SLC8A1: variants seen among roughly 807,000 people sequenced by gnomAD.
SLC8A1 encodes the protein sodium/calcium exchanger 1.
Under a neutral mutation model 68.3 loss-of-function variants are expected in SLC8A1, and 18 were observed. The observed-to-expected ratio is 0.26, with a 90% CI of 0.18 to 0.39. The LOEUF (loss-of-function observed/expected upper bound fraction) is 0.39. SLC8A1 is among the 10% of genes least tolerant of loss of function. The pLI, the probability that SLC8A1 is intolerant of heterozygous loss-of-function variation, is 1.00. For missense variants in SLC8A1, 985 were observed against 1,156.7 expected (o/e 0.85, Z 2.15); for synonymous variants, 475 against 415.5 (o/e 1.14, Z -1.74).
At chr2:40,238,208 C>A (rs376180763) in intron 2 of SLC8A1, among the ~76,000 whole-genome samples, 1 of 151,988 alleles carries the variant, frequency 6.6e-6, no homozygotes, top group Non-Finnish European at 1.5e-5. Flanking sequence ...CCCAGCCTCG[C>A]TGCCGCCTTG....
At chr2:40,275,658 T>C (rs1049384826) in intron 2 of SLC8A1, among the ~76,000 whole-genome samples, 50 of 152,198 alleles carry the variant, frequency 3.3e-4, no homozygotes, top group African/African-American at 1.2e-3. Context: ...TTTCCCTGGC[T>C]TTAAAATGAA....
At chr2:40,465,585 A>C (rs1012727647) in intron 1 of SLC8A1, among the ~76,000 whole-genome samples, 1 of 152,156 alleles carries the variant, frequency 6.6e-6, no homozygotes, top group South Asian at 2.1e-4. Context: ...TTTATACATT[A>C]AGTAACGTAT....
rs77227517 is a variant in SLC8A1 at position 40,245,235 on chromosome 2, C to T, written c.1809-67380G>A. Reference sequence around the variant, plus strand: ...TTCTGTGATTTGTGCTGTTCATGTACAGGTCTCTCTCTCCCTAGTGAAACT... The same window carrying T: ...TTCTGTGATTTGTGCTGTTCATGTATAGGTCTCTCTCTCCCTAGTGAAACT... On this transcript the variant is annotated intron_variant, in intron 2 of 7. Coordinates refer to ENST00000406785, the Ensembl canonical transcript of SLC8A1. Among the ~76,000 whole-genome samples the T allele has an allele frequency of 1.5e-3, 223 of 152,284 alleles. 1 individual carries two copies. The highest frequency in any genetic ancestry group is 5.2e-3 in the African/African-American group (217 of 41,582).
At chr2:40,309,245 G>A (rs549422105) in intron 2 of SLC8A1, among the ~76,000 whole-genome samples, 5 of 152,224 alleles carry the variant, frequency 3.3e-5, no homozygotes, top group Admixed American at 1.3e-4. Flanking sequence ...TTAGGCAGGA[G>A]CTGCATTTTC....
chr2:40,386,603 T>C (rs1346467737), intron 2 of SLC8A1, among the ~76,000 whole-genome samples: 1 of 123,650 alleles, frequency 8.1e-6, no homozygotes, highest in South Asian at 2.5e-4. Flanking sequence ...GTCTAATTAC[T>C]TGATGAAATT....
At chr2:40,153,189 T>A (rs1279779683) in intron 6 of SLC8A1, among the ~76,000 whole-genome samples, 2 of 152,190 alleles carry the variant, frequency 1.3e-5, no homozygotes, top group Non-Finnish European at 2.9e-5. Flanking sequence ...AAATTTCAAA[T>A]AGCAGTTACA....
intron 1 of SLC8A1, among the ~76,000 whole-genome samples, chr2:40,509,700 C>A (rs916677246): frequency 1.3e-5 from 2 of 152,104 alleles, no homozygotes; most frequent in Admixed American, 1.3e-4. Context: ...TAGACAGAAG[C>A]CTCCAACCTG....
At chr2:40,415,859 TACACACACACACACACACACACACAC>T (rs70957173) in intron 2 of SLC8A1, among the ~76,000 whole-genome samples, 101 of 113,588 alleles carry the variant, frequency 8.9e-4, no homozygotes, top group African/African-American at 1.8e-3. Flanking sequence ...ACTAAAAGTA[TACACACACACACACACACACACACAC>T]ACACACACAC....
rs1702584635 is a variant in SLC8A1, at chr2:40,451,886, T to C, written c.-25+18A>G. 6.6e-6 allele frequency: 1 copy of C among 152,306 alleles called. No individual in the cohort carries two copies. The allele number at this position is 152,306 out of a possible 1,614,324, so 9.4% of individuals were successfully genotyped here. On this transcript the variant is annotated intron_variant, in intron 1 of 7. Transcript: ENST00000406785. ...TCTCTGACTAAATGCCTTCTGCCTGTCCATCATAAGATCCTACCTGGTTTG... is the reference window on the plus strand; with the variant it reads ...TCTCTGACTAAATGCCTTCTGCCTGCCCATCATAAGATCCTACCTGGTTTG...
chr2:40,486,848 A>G lies in SLC8A1; in HGVS notation c.-25+25501T>C, dbSNP rs183399215. Among the ~76,000 whole-genome samples the G allele has an allele frequency of 7.5e-3, 1,097 of 146,802 alleles. 9 individuals carry two copies. Among genetic ancestry groups the G allele is most frequent in the African/African-American group, 0.026 (1,055 of 40,052 alleles). Reference sequence around the variant, plus strand: ...TTAACTCGTCATTTACATTAGGTATATCTCCTAATGCTATCCCTCCCCCCT... The same window carrying G: ...TTAACTCGTCATTTACATTAGGTATGTCTCCTAATGCTATCCCTCCCCCCT... On this transcript the variant is annotated intron_variant, in intron 1 of 7. Transcript: ENST00000402441.
intron 1 of SLC8A1, among the ~76,000 whole-genome samples, chr2:40,507,268 T>G (rs1453271275): frequency 6.6e-6 from 1 of 151,956 alleles, no homozygotes; most frequent in Non-Finnish European, 1.5e-5. Context: ...TGTTAAACAT[T>G]TCAACATACG....
chr2:40,200,138 G>A (rs1573954517), intron 2 of SLC8A1, among the ~76,000 whole-genome samples: 1 of 114,362 alleles, frequency 8.7e-6, no homozygotes, highest in Admixed American at 1.0e-4. Flanking sequence ...ACATATCTAT[G>A]TGTCTCTGCA....
At chr2:40,427,444 ATCAT>A (rs1697166111) in intron 2 of SLC8A1, among the ~76,000 whole-genome samples, 1 of 152,028 alleles carries the variant, frequency 6.6e-6, no homozygotes, top group African/African-American at 2.4e-5. Flanking sequence ...AACCAACATA[ATCAT>A]TCATTTTAAC....
intron 2 of SLC8A1, among the ~76,000 whole-genome samples, chr2:40,403,015 A>C (rs952082419): frequency 5.3e-5 from 8 of 152,226 alleles, no homozygotes; most frequent in African/African-American, 1.4e-4. Flanking sequence ...TGTGCCTTCC[A>C]TAATGACACT....
chr2:40,131,048 T>G (rs771153299), intron 7 of SLC8A1, among the ~76,000 whole-genome samples: 15 of 152,246 alleles, frequency 9.9e-5, no homozygotes, highest in Admixed American at 3.9e-4. Flanking sequence ...AGATCCAACA[T>G]TTTTAAGGGT....
At chr2:40,278,703 C>A (rs951256487) in intron 2 of SLC8A1, among the ~76,000 whole-genome samples, 1 of 152,014 alleles carries the variant, frequency 6.6e-6, no homozygotes, top group Non-Finnish European at 1.5e-5. Context: ...TGATGGGGTA[C>A]GTGGACTTAG....
chr2:40,299,011 G>A (rs754861094), intron 2 of SLC8A1, among the ~76,000 whole-genome samples: 1 of 152,158 alleles, frequency 6.6e-6, no homozygotes, highest in Admixed American at 6.5e-5. Context: ...TCTACTTGGG[G>A]AGGAGGCCTC....
At chr2:40,467,738 A>G (rs1342205842) in intron 1 of SLC8A1, among the ~76,000 whole-genome samples, 1 of 152,144 alleles carries the variant, frequency 6.6e-6, no homozygotes, top group Non-Finnish European at 1.5e-5. Context: ...AAAGAAAACA[A>G]TGGTGGTTTT....
At chr2:40,210,353 T>C (rs1391941302) in intron 2 of SLC8A1, among the ~76,000 whole-genome samples, 2 of 152,172 alleles carry the variant, frequency 1.3e-5, no homozygotes, top group African/African-American at 4.8e-5. Context: ...TCATAGCTCT[T>C]TGCATTTGGG....
Sources: allele counts gnomAD v4.1 joint callset (sites outside exome capture counted in the v4.1 genomes callset), GRCh38; gene constraint gnomAD v4.1.1; transcripts MANE v1.5; gene names NCBI Gene and HGNC (gene_info 2026-07-23, HGNC 2026-07-21).